Variants in TMTC4 observed in about 807,000 individuals in gnomAD.
TMTC4 encodes the protein transmembrane O-mannosyltransferase targeting cadherins 4, also known as protein O-mannosyl-transferase TMTC4.
TMTC4 carries 65 observed loss-of-function variants against 86.0 expected under a neutral mutation model. The ratio of observed to expected loss-of-function variants is 0.76; its 90% confidence interval spans 0.62 to 0.93. The LOEUF is 0.93. TMTC4 is among the 40% of genes least tolerant of loss of function. The pLI is 0.00. For synonymous variants in TMTC4, 379 were observed against 382.5 expected (o/e 0.99, Z 0.11); for missense variants, 866 against 948.1 (o/e 0.91, Z 1.14).
At chr13:100,674,855 A>T, upstream of TMTC4, 6 of 943,730 alleles carry the variant, frequency 6.4e-6, no homozygotes, top group Non-Finnish European at 7.5e-6. Flanking sequence ...CGCGCACCCG[A>T]CCCCCCCCGC....
At chr13:100,674,377 C>G (rs1427936276) in intron 1 of TMTC4, 1 of 966,676 alleles carries the variant, frequency 1.0e-6, no homozygotes. Context: ...TCCGGGGACG[C>G]GCCGCAGGCG....
At chr13:100,655,619 C>A (rs1299537919) in intron 6 of TMTC4, among the ~76,000 whole-genome samples, 1 of 152,144 alleles carries the variant, frequency 6.6e-6, no homozygotes, top group Non-Finnish European at 1.5e-5. Flanking sequence ...GACCCTTACC[C>A]CAGGAAGAGA....
At chr13:100,632,953 C>G (rs1003200983) in intron 12 of TMTC4, among the ~76,000 whole-genome samples, 8 of 152,234 alleles carry the variant, frequency 5.3e-5, no homozygotes, top group African/African-American at 1.9e-4. Context: ...CCCTTGGCCC[C>G]CATTTTGAGC....
chr13:100,644,083 G>T (rs1176751922), intron 6 of TMTC4, among the ~76,000 whole-genome samples: 1 of 151,804 alleles, frequency 6.6e-6, no homozygotes, highest in Non-Finnish European at 1.5e-5. Flanking sequence ...TTCTGGCCTG[G>T]GGGTGGGAGG....
At chr13:100,642,829 C>T (rs1883207536) in intron 6 of TMTC4, among the ~76,000 whole-genome samples, 4 of 152,164 alleles carry the variant, frequency 2.6e-5, no homozygotes, top group Non-Finnish European at 5.9e-5. Flanking sequence ...TGCTCTGCTC[C>T]CTGTGTGGAA....
intron 17 of TMTC4, among the ~76,000 whole-genome samples, chr13:100,607,132 TAA>T (rs1280202281): frequency 6.6e-6 from 1 of 152,154 alleles, no homozygotes; most frequent in East Asian, 1.9e-4. Flanking sequence ...TGCTGAGAAA[TAA>T]AGACGCCTAA....
chr13:100,657,151 T>C (rs566227936), intron 5 of TMTC4, among the ~76,000 whole-genome samples: 65 of 152,308 alleles, frequency 4.3e-4, no homozygotes, highest in African/African-American at 1.5e-3. Context: ...GGATTTTCAA[T>C]TGGAAAATGT....
intron 15 of TMTC4, chr13:100,624,358 A>AAT (rs1880100882): frequency 2.0e-5 from 3 of 150,818 alleles, no homozygotes; most frequent in African/African-American, 7.3e-5. Context: ...AAAAAATAAA[A>AAT]AAAAAATAAA....
intron 4 of TMTC4, 57 bp from the exon 5 acceptor site, chr13:100,663,237 C>A: frequency 6.7e-7 from 1 of 1,502,726 alleles, no homozygotes; most frequent in Non-Finnish European, 9.3e-7. Context: ...CAAGAAATGG[C>A]AAAGGTCTGG....
chr13:100,608,547 T>C (rs1263019485), intron 17 of TMTC4, among the ~76,000 whole-genome samples: 3 of 152,096 alleles, frequency 2.0e-5, no homozygotes, highest in Non-Finnish European at 4.4e-5. Flanking sequence ...TCTATCCAAG[T>C]CACGGGGGCA....
intron 15 of TMTC4, among the ~76,000 whole-genome samples, chr13:100,624,219 C>A (rs1005459974): frequency 2.6e-5 from 4 of 151,660 alleles, no homozygotes; most frequent in South Asian, 2.1e-4. Context: ...CCAGCTACTC[C>A]GGAGGCTGAG....
rs141192654 is a variant in TMTC4 at position 100,666,173 on chromosome 13, T to C, written c.220-1837A>G. 6.9e-5 allele frequency: 27 copies of C among 392,270 alleles called. No homozygotes were observed. The East Asian group carries it at 1.6e-3, about 24-fold the overall frequency. The allele number at this position is 392,270 out of a possible 1,614,324, so 24.3% of individuals were successfully genotyped here. On this transcript the variant is annotated intron_variant, in intron 3 of 18. Coordinates refer to ENST00000342624, the MANE Select transcript of TMTC4 (RefSeq NM_032813.5). ...GGAAAAGATGTATTGTGTCTAAAAT[T>C]CCCCCTAACTCCACTGTCTCAAAGA...
chr13:100,675,065 G>T (rs960922998), upstream of TMTC4: 29 of 985,596 alleles, frequency 2.9e-5, no homozygotes, highest in Non-Finnish European at 3.5e-5. Flanking sequence ...GGGACAGACG[G>T]ACCCGGCGGG....
chr13:100,661,505 C>T (rs2139023701), intron 5 of TMTC4, among the ~76,000 whole-genome samples: 1 of 152,348 alleles, frequency 6.6e-6, no homozygotes, highest in East Asian at 1.9e-4. Context: ...TCCCTCTCTT[C>T]CAGTCCCTTA....
chr13:100,608,818 C>T (rs557789872), intron 17 of TMTC4, among the ~76,000 whole-genome samples: 4 of 151,934 alleles, frequency 2.6e-5, no homozygotes, highest in Admixed American at 1.3e-4. Context: ...TTTTTCTGAA[C>T]AGAAAGGGGA....
intron 3 of TMTC4, among the ~76,000 whole-genome samples, chr13:100,667,135 A>G (rs1886487484): frequency 6.6e-6 from 1 of 152,208 alleles, no homozygotes. Flanking sequence ...GAAGAACTTG[A>G]ATTAAAAATA....
chr13:100,605,609 CTG>C lies in TMTC4; in HGVS notation c.2135-469_2135-468del, dbSNP rs1876471145. Among the ~76,000 whole-genome samples the C allele has an allele frequency of 1.3e-5, 2 of 152,144 alleles. No individual in the cohort carries two copies. Among genetic ancestry groups the C allele is most frequent in the Non-Finnish European group, 2.9e-5 (2 of 68,028 alleles). On this transcript the variant is annotated intron_variant, in intron 18 of 18. Coordinates refer to ENST00000342624, the MANE Select transcript of TMTC4 (RefSeq NM_032813.5). The surrounding 1 kb of genome is among the most constrained non-coding windows in gnomAD (Gnocchi z 4.3). Reference sequence around the variant, plus strand: ...TTGGGTCCATTTAGAAAAAAGGCCTCTGATATCAAGAGCTGACCCTAAAATGA... The same window carrying C: ...TTGGGTCCATTTAGAAAAAAGGCCTCATATCAAGAGCTGACCCTAAAATGA...
chr13:100,624,242 C>T lies in TMTC4; in HGVS notation c.1836+1293G>A, dbSNP rs1463215544. On this transcript the variant is annotated intron_variant, in intron 15 of 18. Transcript: ENST00000342624. ...TCCGGAGGCTGAGGCAGAAGAACGG[C>T]GTGAACCCGGGGGGCGGAGCTTGCA... 3.9e-5 allele frequency: 6 copies of T among 152,170 alleles called. 1 individual carries two copies. In the South Asian group the frequency reaches 1.0e-3, roughly 26 times the overall value. 9.4% of individuals were successfully genotyped at this position (152,170 alleles called of 1,614,324 possible).
At chr13:100,610,487 C>A (rs939718754) in intron 17 of TMTC4, among the ~76,000 whole-genome samples, 1 of 152,218 alleles carries the variant, frequency 6.6e-6, no homozygotes, top group Non-Finnish European at 1.5e-5. Context: ...TCATGTCCCC[C>A]AACTTGGTAG....
Sources: allele counts gnomAD v4.1 joint callset (sites outside exome capture counted in the v4.1 genomes callset), GRCh38; gene constraint gnomAD v4.1.1; non-coding constraint Gnocchi (gnomAD v3.1); transcripts MANE v1.5; gene names NCBI Gene and HGNC (gene_info 2026-07-23, HGNC 2026-07-21).